XPR1: variants seen among roughly 807,000 people sequenced by gnomAD.
The protein encoded by XPR1 is xenotropic and polytropic retrovirus receptor 1, also known as solute carrier family 53 member 1.
XPR1 carries 28 observed loss-of-function variants against 87.5 expected under a neutral mutation model. That is an observed-to-expected ratio of 0.32 (90% CI 0.24 to 0.44). XPR1 has a LOEUF of 0.44. Among genes scored for constraint, XPR1 ranks in the 20% least tolerant of loss-of-function variants. The pLI is 1.00. For synonymous variants in XPR1, 300 were observed against 306.1 expected, an observed-to-expected ratio of 0.98 and a Z score of 0.21; for missense variants, 559 against 862.3, an observed-to-expected ratio of 0.65 and a Z score of 4.41.
At chr1:180,707,608 A>C (rs1657602198) in intron 2 of XPR1, among the ~76,000 whole-genome samples, 1 of 152,050 alleles carries the variant, frequency 6.6e-6, no homozygotes, top group South Asian at 2.1e-4. Flanking sequence ...CTGTTTATAG[A>C]TTTTGTGTTG....
chr1:180,729,292 G>A lies in XPR1; in HGVS notation c.121+46881G>A, dbSNP rs571851448. 2.0e-5 allele frequency among the ~76,000 whole-genome samples: 3 copies of A among 152,266 alleles called. No homozygotes were observed. In the South Asian group the frequency reaches 6.2e-4, roughly 32 times the overall value. ...TGTCTTCGCTGTTGTGAATAGTACT[G>A]CGATTAACATATGTGTGCATTTGTC... On this transcript the variant is annotated intron_variant, in intron 2 of 14. Transcript: ENST00000367590.
At chr1:180,830,251 G>T (rs780427951) in intron 9 of XPR1, among the ~76,000 whole-genome samples, 28 of 152,078 alleles carry the variant, frequency 1.8e-4, no homozygotes, top group Admixed American at 8.5e-4. Flanking sequence ...GCTTTATCGG[G>T]CGCTTATGGT....
rs34479247 is a variant in XPR1 at position 180,637,050 on chromosome 1, CAAAAAAAAAA to C, written c.69+4792_69+4801del. ...CTGGCAACAGAGTAAGACTTCATCT[CAAAAAAAAAA>C]AAAAAAAAAAAGGAAAAGTAAGGGA... On this transcript the variant is annotated intron_variant, in intron 1 of 14. Coordinates refer to ENST00000367590, the MANE Select transcript of XPR1 (RefSeq NM_004736.4). Among the ~76,000 whole-genome samples, 3 of 81,574 alleles carry C rather than the reference CAAAAAAAAAA, an allele frequency of 3.7e-5. No homozygotes were observed. In the East Asian group the frequency reaches 1.1e-3, roughly 30 times the overall value. The allele number at this position is 81,574 out of a possible 152,430, so 53.5% of individuals were successfully genotyped here. A position where few individuals can be genotyped will look rare whatever the true frequency, so the allele number is the denominator to read the frequency against.
Position 180,863,853 on chromosome 1 carries a change from A to G in XPR1, c.1647A>G (p.Glu549=). The G allele has an allele frequency of 1.9e-6, 3 of 1,602,230 alleles. No homozygotes were observed. Among genetic ancestry groups the G allele is most frequent in the Non-Finnish European group, 2.6e-6 (3 of 1,176,384 alleles). ...KNAGENTFLR[E]EIVYPQKAYY... The stretch of plus-strand genomic sequence containing the variant: ...CTGGAGAGAACACTTTCCTCCGGGA[A>G]GAGATTGTATACCCCCAAAAAGTAT... Residue 549 remains glutamate (E), a synonymous_variant, in exon 12 of 15, where the codon GAA becomes GAG. Transcript: ENST00000367590.
At position 180,751,008 on chromosome 1, in the gene XPR1, A is replaced by G. The variant is rs200531818; in HGVS notation, c.122-36745A>G. 5.3e-5 allele frequency among the ~76,000 whole-genome samples: 8 copies of G among 152,178 alleles called. No homozygotes were observed. The East Asian group carries it at 1.2e-3, about 22-fold the overall frequency. On this transcript the variant is annotated intron_variant, in intron 2 of 14. Transcript: ENST00000367590. ...GTTGCTAAATTTATCCTTATTTCATATATTAATGCTGTCATCAATGGTAAT... is the reference window on the plus strand; with the variant it reads ...GTTGCTAAATTTATCCTTATTTCATGTATTAATGCTGTCATCAATGGTAAT...
At chr1:180,832,683 A>G (rs1407883788) in intron 9 of XPR1, among the ~76,000 whole-genome samples, 2 of 152,158 alleles carry the variant, frequency 1.3e-5, no homozygotes, top group Non-Finnish European at 2.9e-5. Flanking sequence ...AGGTTCATCA[A>G]AGATCAAATG....
At chr1:180,802,889 T>C (rs1649844039) in intron 3 of XPR1, among the ~76,000 whole-genome samples, 1 of 152,264 alleles carries the variant, frequency 6.6e-6, no homozygotes, top group East Asian at 1.9e-4. Flanking sequence ...ATTGTGTGTT[T>C]ATATAGACAC....
Position 180,714,871 on chromosome 1 carries a change from G to A in XPR1, c.121+32460G>A, listed in dbSNP as rs545570990. Among the ~76,000 whole-genome samples the A allele has an allele frequency of 8.6e-4, 128 of 149,534 alleles. 1 individual carries two copies. In the South Asian group the frequency reaches 9.8e-3, roughly 11 times the overall value. On this transcript the variant is annotated intron_variant, in intron 2 of 14. Coordinates refer to ENST00000367590, the MANE Select transcript of XPR1 (RefSeq NM_004736.4). ...TTTAATCAGTGTTTTTGAAGAGAAT[G>A]CTGATATACAGTAGTATGCTATTTA...
At chr1:180,833,424 A>C (rs945537087) in intron 9 of XPR1, among the ~76,000 whole-genome samples, 3 of 151,222 alleles carry the variant, frequency 2.0e-5, no homozygotes, top group African/African-American at 7.4e-5. Flanking sequence ...TGCTGTTTTC[A>C]AGAGACCCAT....
At chr1:180,864,481 A>T (rs565675970) in intron 12 of XPR1, among the ~76,000 whole-genome samples, 4 of 152,212 alleles carry the variant, frequency 2.6e-5, no homozygotes, top group Non-Finnish European at 5.9e-5. Context: ...GGGATGAATG[A>T]ATAAATACTT....
At chr1:180,675,897 A>G (rs1656354170) in intron 1 of XPR1, among the ~76,000 whole-genome samples, 1 of 152,286 alleles carries the variant, frequency 6.6e-6, no homozygotes, top group Non-Finnish European at 1.5e-5. Context: ...ACAGAATGTT[A>G]TCTTACTCAT....
At chr1:180,659,120 C>G (rs1395624127) in intron 1 of XPR1, among the ~76,000 whole-genome samples, 2 of 133,516 alleles carry the variant, frequency 1.5e-5, no homozygotes, top group East Asian at 4.6e-4. Context: ...TCCTCCCTCC[C>G]TCCTTCCCTC....
intron 2 of XPR1, among the ~76,000 whole-genome samples, chr1:180,738,943 T>C (rs958248137): frequency 3.3e-5 from 5 of 152,192 alleles, no homozygotes; most frequent in Admixed American, 3.3e-4. Context: ...CCTAAGATCT[T>C]TTTGTCTAAC....
At chr1:180,661,476 CGTGTGTGTGTGTGTGTGT>C (rs60527318) in intron 1 of XPR1, among the ~76,000 whole-genome samples, 7 of 142,358 alleles carry the variant, frequency 4.9e-5, no homozygotes, top group Admixed American at 1.4e-4. Context: ...TTTAATTTTT[CGTGTGTGTGTGTGTGTGT>C]GTGTGTGTGT....
At chr1:180,824,309 G>A (rs1261592382) in intron 7 of XPR1, among the ~76,000 whole-genome samples, 6 of 152,170 alleles carry the variant, frequency 3.9e-5, no homozygotes, top group African/African-American at 7.2e-5. Flanking sequence ...TTGGCCAGGC[G>A]GGGTGGTTCA....
chr1:180,785,417 C>T (rs528150177), intron 2 of XPR1, among the ~76,000 whole-genome samples: 2 of 152,166 alleles, frequency 1.3e-5, no homozygotes, highest in African/African-American at 4.8e-5. Context: ...CTTGGTCTCC[C>T]AAAATGCTGG....
intron 2 of XPR1, among the ~76,000 whole-genome samples, chr1:180,779,335 A>T (rs1448216727): frequency 1.3e-5 from 2 of 152,148 alleles, no homozygotes; most frequent in African/African-American, 4.8e-5. Context: ...CAGGACCTAC[A>T]TTTATCTCAT....
intron 1 of XPR1, among the ~76,000 whole-genome samples, chr1:180,670,315 T>G (rs1656125674): frequency 6.6e-6 from 1 of 152,180 alleles, no homozygotes; most frequent in Admixed American, 6.5e-5. Flanking sequence ...ATTTCCTCCT[T>G]ATGTGTTTAG....
chr1:180,695,138 A>G (rs971186716), intron 2 of XPR1, among the ~76,000 whole-genome samples: 2 of 152,022 alleles, frequency 1.3e-5, no homozygotes, highest in African/African-American at 4.8e-5. Context: ...CGTTTCCCTG[A>G]TGATTAGTGA....
Sources: gnomAD v4.1 joint callset for allele counts (sites outside exome capture counted in the v4.1 genomes callset) on GRCh38, gnomAD v4.1.1 for gene constraint, MANE v1.5 for transcripts, NCBI Gene and HGNC (gene_info 2026-07-23, HGNC 2026-07-21) for gene names.